DAB1: variants seen among roughly 807,000 people sequenced by gnomAD.
The protein encoded by DAB1 is DAB adaptor protein 1.
In DAB1, 15 loss-of-function variants were observed where a neutral mutation model predicts 64.6. The ratio of observed to expected loss-of-function variants is 0.23; its 90% CI spans 0.16 to 0.36. DAB1 has a LOEUF of 0.36. Among genes scored for constraint, DAB1 ranks in the 10% least tolerant of loss-of-function variants. The pLI, the probability that DAB1 is intolerant of heterozygous loss-of-function variation, is 1.00. For missense variants in DAB1, 596 were observed against 706.7 expected, an observed-to-expected ratio of 0.84 and a Z score of 1.78; for synonymous variants, 235 against 251.9, an observed-to-expected ratio of 0.93 and a Z score of 0.64.
At chr1:57,031,181 C>T (rs771651714) in intron 9 of DAB1, among the ~76,000 whole-genome samples, 1 of 152,108 alleles carries the variant, frequency 6.6e-6, no homozygotes. Flanking sequence ...CATTGGTTTG[C>T]TGTTTAAATA....
intron 2 of DAB1, among the ~76,000 whole-genome samples, chr1:57,153,449 G>A (rs1380986560): frequency 6.6e-6 from 1 of 152,184 alleles, no homozygotes; most frequent in Non-Finnish European, 1.5e-5. Flanking sequence ...GGGAGTACCT[G>A]TATCTCACAA....
At chr1:57,887,226 T>G (rs1644237081), upstream of DAB1, among the ~76,000 whole-genome samples, 1 of 152,194 alleles carries the variant, frequency 6.6e-6, no homozygotes, top group African/African-American at 2.4e-5. Flanking sequence ...CCAGTTGTTT[T>G]GTACCACTCA....
intron 5 of DAB1, among the ~76,000 whole-genome samples, chr1:58,082,654 T>C (rs1162260050): frequency 6.6e-6 from 1 of 151,874 alleles, no homozygotes; most frequent in Non-Finnish European, 1.5e-5. Flanking sequence ...TGGAGGACGA[T>C]AGGGTGGAGT....
At chr1:57,648,153 G>T (rs756033020) in intron 7 of DAB1, among the ~76,000 whole-genome samples, 5 of 152,150 alleles carry the variant, frequency 3.3e-5, no homozygotes, top group Non-Finnish European at 7.4e-5. Context: ...AATAATAAAA[G>T]ATCAAACTCA....
chr1:57,663,219 A>G (rs1470138497), intron 6 of DAB1, among the ~76,000 whole-genome samples: 1 of 152,136 alleles, frequency 6.6e-6, no homozygotes, highest in African/African-American at 2.4e-5. Context: ...ACACACTTTC[A>G]AATAACCAGA....
At chr1:57,851,914 G>A (rs560976293) in intron 1 of DAB1, among the ~76,000 whole-genome samples, 1 of 152,260 alleles carries the variant, frequency 6.6e-6, no homozygotes, top group Admixed American at 6.5e-5. Flanking sequence ...CTCCTACTCT[G>A]AGGAGTCTTT....
chr1:58,366,124 T>C (rs952123737), intron 3 of DAB1, among the ~76,000 whole-genome samples: 5 of 152,202 alleles, frequency 3.3e-5, no homozygotes, highest in Non-Finnish European at 7.3e-5. Context: ...ACTTGGTGGA[T>C]GGCAAGTTGA....
At chr1:57,336,766 A>C (rs1247726721) in intron 1 of DAB1, among the ~76,000 whole-genome samples, 2 of 152,192 alleles carry the variant, frequency 1.3e-5, no homozygotes, top group Non-Finnish European at 2.9e-5. Context: ...TGATTACAGT[A>C]ATTGTCCTAA....
chr1:57,717,458 G>T (rs1347606699), intron 6 of DAB1, among the ~76,000 whole-genome samples: 1 of 151,962 alleles, frequency 6.6e-6, no homozygotes, highest in African/African-American at 2.4e-5. Context: ...GAACTTTTAG[G>T]TACTGTTGGT....
At chr1:57,952,516 G>T (rs1368657247) in intron 5 of DAB1, among the ~76,000 whole-genome samples, 1 of 152,088 alleles carries the variant, frequency 6.6e-6, no homozygotes, top group Non-Finnish European at 1.5e-5. Context: ...CACATGTGGG[G>T]ACAGAAAAGG....
chr1:58,246,828 G>C (rs12127582), intron 4 of DAB1, among the ~76,000 whole-genome samples: 15,622 of 152,130 alleles, frequency 0.1, 1,158 homozygotes, highest in Admixed American at 0.18. Context: ...CAGGGTGTGT[G>C]TGACTCTGTG....
chr1:58,448,630 G>A (rs1037353171), intron 3 of DAB1, among the ~76,000 whole-genome samples: 1 of 152,206 alleles, frequency 6.6e-6, no homozygotes, highest in Non-Finnish European at 1.5e-5. Flanking sequence ...CAAAAGGCTA[G>A]GAGCAGCAAG....
intron 4 of DAB1, among the ~76,000 whole-genome samples, chr1:58,321,603 GATT>G (rs1662684858): frequency 6.6e-6 from 1 of 152,282 alleles, no homozygotes; most frequent in Non-Finnish European, 1.5e-5. Flanking sequence ...CACACCAGGA[GATT>G]ATATCCCGTG....
intron 7 of DAB1, among the ~76,000 whole-genome samples, chr1:57,450,845 G>T (rs1686323158): frequency 6.6e-6 from 1 of 152,116 alleles, no homozygotes; most frequent in Admixed American, 6.6e-5. Context: ...TCCATCAAAA[G>T]AATTATTGTG....
intron 6 of DAB1, among the ~76,000 whole-genome samples, chr1:57,710,167 TTTGTTTGC>T (rs1647011449): frequency 6.6e-6 from 1 of 152,192 alleles, no homozygotes; most frequent in Non-Finnish European, 1.5e-5. Flanking sequence ...CCCATGTCAA[TTTGTTTGC>T]TTGTAAGTTT....
chr1:57,138,929 G>A (rs1658357010), intron 3 of DAB1, among the ~76,000 whole-genome samples: 1 of 152,126 alleles, frequency 6.6e-6, no homozygotes, highest in African/African-American at 2.4e-5. Flanking sequence ...TTTGGTTTGT[G>A]CCCAGGGCTG....
intron 4 of DAB1, among the ~76,000 whole-genome samples, chr1:58,311,878 T>A (rs1218934911): frequency 6.6e-6 from 1 of 152,044 alleles, no homozygotes; most frequent in Admixed American, 6.6e-5. Flanking sequence ...CACAACAACA[T>A]TGGGGGGTGG....
At chr1:58,358,215 G>T (rs970638601) in intron 3 of DAB1, among the ~76,000 whole-genome samples, 1 of 152,188 alleles carries the variant, frequency 6.6e-6, no homozygotes, top group Admixed American at 6.6e-5. Flanking sequence ...TTTTGGCTAA[G>T]CTTGACCTTG....
intron 5 of DAB1, among the ~76,000 whole-genome samples, chr1:58,000,100 T>C (rs1646484053): frequency 6.6e-6 from 1 of 151,574 alleles, no homozygotes; most frequent in African/African-American, 2.4e-5. Context: ...AAACAGTCAG[T>C]GGGAAGGTCT....
Sources: allele counts gnomAD v4.1 joint callset (sites outside exome capture counted in the v4.1 genomes callset), GRCh38; gene constraint gnomAD v4.1.1; transcripts MANE v1.5; gene names NCBI Gene and HGNC (gene_info 2026-07-23, HGNC 2026-07-21).